RP1: variants seen among roughly 807,000 people sequenced by gnomAD.
The protein encoded by RP1 is RP1 axonemal microtubule associated.
In RP1, 16 loss-of-function variants were observed where a neutral mutation model predicts 14.8. That is an observed-to-expected ratio of 1.08 (90% CI 0.73 to 1.65). The LOEUF is 1.65. RP1 is among the 40% of genes most tolerant of loss of function. The probability of loss-of-function intolerance (pLI) is 0.00; values close to 1 mark genes in which losing one functional copy is unlikely to be tolerated. For missense variants in RP1, 2,631 were observed against 2,535.0 expected, an observed-to-expected ratio of 1.04 and a Z score of -0.81; for synonymous variants, 876 against 883.6, an observed-to-expected ratio of 0.99 and a Z score of 0.15.
At chr8:54,845,401 T>G (rs1389099774) in intron 25 of RP1, among the ~76,000 whole-genome samples, 2 of 152,160 alleles carry the variant, frequency 1.3e-5, no homozygotes, top group Non-Finnish European at 2.9e-5. Context: ...TATTTATGTA[T>G]GCTAGGAGCT....
intron 19 of RP1, among the ~76,000 whole-genome samples, chr8:54,744,129 A>G (rs1037187727): frequency 6.6e-6 from 1 of 152,332 alleles, no homozygotes; most frequent in African/African-American, 2.4e-5. Flanking sequence ...CTATGAAAGG[A>G]ATATTGTGCA....
At chr8:54,778,845 C>A (rs891495654) in intron 23 of RP1, among the ~76,000 whole-genome samples, 1 of 152,012 alleles carries the variant, frequency 6.6e-6, no homozygotes, top group South Asian at 2.1e-4. Context: ...GTGTTATGGG[C>A]AGTGGGCATC....
At position 54,627,096 on chromosome 8, in the gene RP1, G is replaced by C; in HGVS notation, c.3214G>C (p.Asp1072His). 6.2e-7 allele frequency: 1 copy of C among 1,614,066 alleles called. No homozygotes were observed. Among genetic ancestry groups the C allele is most frequent in the Non-Finnish European group, 8.5e-7 (1 of 1,179,968 alleles). The stretch of plus-strand genomic sequence containing the variant: ...AAGTGTAGAGGCTGCCATTCAAGTA[G>C]ATCCTATAGAAGAGGAAACTCCAAA... Reference protein sequence around the residue: ...RQSVEAAIQVDPIEEETPKDL... With the variant: ...RQSVEAAIQVHPIEEETPKDL... Residue 1072 changes from aspartate (D) to histidine (H), a missense_variant, in exon 4 of 4, where the codon GAT becomes CAT. By Grantham distance (81) the Asp-to-His change is moderately conservative. Coordinates refer to ENST00000220676, the MANE Select transcript of RP1 (RefSeq NM_006269.2).
intron 24 of RP1, among the ~76,000 whole-genome samples, chr8:54,824,257 G>A (rs139804506): frequency 2.0e-5 from 3 of 151,934 alleles, no homozygotes; most frequent in Non-Finnish European, 4.4e-5. Flanking sequence ...ACGTTGAAAA[G>A]AAAATAAGGG....
chr8:54,604,069 A>T (rs1397115755), intron 1 of RP1, among the ~76,000 whole-genome samples: 3 of 152,172 alleles, frequency 2.0e-5, no homozygotes, highest in African/African-American at 7.2e-5. Flanking sequence ...AACTTCCAAC[A>T]CTATGTTGAA....
intron 3 of RP1, among the ~76,000 whole-genome samples, chr8:54,636,048 C>T (rs1379935365): frequency 2.0e-5 from 3 of 152,202 alleles, no homozygotes; most frequent in African/African-American, 7.2e-5. Flanking sequence ...CACCCCTAAC[C>T]TTTCTGGGAA....
chr8:54,688,137 T>A (rs1227342313), intron 12 of RP1, among the ~76,000 whole-genome samples: 10 of 152,230 alleles, frequency 6.6e-5, no homozygotes, highest in Non-Finnish European at 1.2e-4. Context: ...TTCATATCCT[T>A]GGCCCATTTT....
At chr8:54,602,436 T>A (rs539306789) in intron 1 of RP1, among the ~76,000 whole-genome samples, 1 of 152,364 alleles carries the variant, frequency 6.6e-6, no homozygotes, top group East Asian at 1.9e-4. Context: ...CAGTCTATCA[T>A]TGTTGGACAT....
At chr8:54,630,845 T>C (rs1806234761), downstream of RP1, 1 of 994,810 alleles carries the variant, frequency 1.0e-6, no homozygotes, top group Non-Finnish European at 1.2e-6. Flanking sequence ...GTGCCAAATA[T>C]GTTGAGTCCA....
At chr8:54,862,783 A>G (rs191755441) in intron 27 of RP1, among the ~76,000 whole-genome samples, 120 of 152,184 alleles carry the variant, frequency 7.9e-4, no homozygotes, top group African/African-American at 2.9e-3. Flanking sequence ...GCCACATTTC[A>G]TTCCTGAGAA....
chr8:54,843,451 A>G lies in RP1; in HGVS notation c.3835+5782A>G, dbSNP rs555087836. Among the ~76,000 whole-genome samples the G allele has an allele frequency of 7.2e-5, 11 of 152,134 alleles. No homozygotes were observed. In the South Asian group the frequency reaches 1.9e-3, roughly 26 times the overall value. On this transcript the variant is annotated intron_variant, in intron 25 of 28. Transcript: ENST00000637698. Reference sequence around the variant, plus strand: ...AGAGGCAGAGGATGATGCAGCCCCAAACCGCCGCCGTATATGGTCTTGGAT... The same window carrying G: ...AGAGGCAGAGGATGATGCAGCCCCAGACCGCCGCCGTATATGGTCTTGGAT...
chr8:54,807,706 A>G (rs1429738796), intron 24 of RP1, among the ~76,000 whole-genome samples: 1 of 151,444 alleles, frequency 6.6e-6, no homozygotes, highest in Non-Finnish European at 1.5e-5. Flanking sequence ...CTATCATGAG[A>G]GATTTATTTT....
intron 24 of RP1, among the ~76,000 whole-genome samples, chr8:54,820,942 T>C (rs1029498498): frequency 1.3e-5 from 2 of 152,036 alleles, no homozygotes; most frequent in Non-Finnish European, 2.9e-5. Context: ...GAGGAGAGAA[T>C]ATCCTTAGGC....
chr8:54,777,794 T>C (rs1810079390), intron 23 of RP1, among the ~76,000 whole-genome samples: 1 of 152,188 alleles, frequency 6.6e-6, no homozygotes, highest in South Asian at 2.1e-4. Context: ...CTCATTTAAA[T>C]ATATTTACAT....
chr8:54,650,363 C>G (rs982501977), intron 4 of RP1, among the ~76,000 whole-genome samples: 44 of 152,172 alleles, frequency 2.9e-4, no homozygotes, highest in African/African-American at 1.0e-3. Flanking sequence ...CTTAGGCAGA[C>G]TGTTTTACAT....
intron 1 of RP1, among the ~76,000 whole-genome samples, chr8:54,582,327 A>T (rs918588077): frequency 1.1e-4 from 16 of 151,906 alleles, no homozygotes; most frequent in African/African-American, 3.6e-4. Context: ...ATGCGGCATT[A>T]TTTCTGAGGG....
chr8:54,669,042 T>G (rs1807082514), intron 7 of RP1, among the ~76,000 whole-genome samples: 1 of 152,096 alleles, frequency 6.6e-6, no homozygotes, highest in African/African-American at 2.4e-5. Context: ...GTAATTAATC[T>G]AAAGAGCTTC....
At chr8:54,645,320 T>C (rs1056446017) in intron 3 of RP1, among the ~76,000 whole-genome samples, 1 of 152,246 alleles carries the variant, frequency 6.6e-6, no homozygotes, top group African/African-American at 2.4e-5. Context: ...CAAAGTATTA[T>C]GCCATTTCAC....
At chr8:54,670,419 A>G (rs1487945916) in intron 7 of RP1, among the ~76,000 whole-genome samples, 1 of 149,652 alleles carries the variant, frequency 6.7e-6, no homozygotes, top group East Asian at 2.0e-4. Context: ...CTTTATATGT[A>G]TGTGTATGTA....
Sources: gnomAD v4.1 joint callset for allele counts (sites outside exome capture counted in the v4.1 genomes callset) on GRCh38, gnomAD v4.1.1 for gene constraint, MANE v1.5 for transcripts, NCBI Gene and HGNC (gene_info 2026-07-23, HGNC 2026-07-21) for gene names.